AEBP1: variants seen among roughly 807,000 people sequenced by gnomAD.
AEBP1 encodes adipocyte enhancer-binding protein 1.
Under a neutral mutation model 116.5 loss-of-function variants are expected in AEBP1, and 69 were observed. The ratio of observed to expected loss-of-function variants is 0.59; its 90% CI spans 0.49 to 0.72. The LOEUF (loss-of-function observed/expected upper bound fraction) is 0.72, where lower values mean the gene tolerates loss of function less well. Among genes scored for constraint, AEBP1 ranks in the 30% least tolerant of loss-of-function variants. The probability of loss-of-function intolerance (pLI) is 0.00; values close to 1 mark genes in which losing one functional copy is unlikely to be tolerated. For synonymous variants in AEBP1, 627 were observed against 627.3 expected, an observed-to-expected ratio of 1.00 and a Z score of 0.01; for missense variants, 1,444 against 1,557.5, an observed-to-expected ratio of 0.93 and a Z score of 1.23.
Position 44,111,745 on chromosome 7 carries a change from G to T in AEBP1, c.1841-109G>T. ...TCTGGCTTGTCTTACAGGGCCCTAGGAGCCCCAGCTGTCCCCCAGACCCTC... is the reference window on the plus strand; with the variant it reads ...TCTGGCTTGTCTTACAGGGCCCTAGTAGCCCCAGCTGTCCCCCAGACCCTC... On this transcript the variant is annotated intron_variant, in intron 15 of 20. Transcript: ENST00000223357. This position sits in a 1 kb window ranked among gnomAD's most constrained non-coding sequence, Gnocchi z 4.7. The T allele has an allele frequency of 6.5e-7, 1 of 1,540,956 alleles. No homozygotes were observed. Among genetic ancestry groups the T allele is most frequent in the Non-Finnish European group, 8.8e-7 (1 of 1,140,122 alleles).
rs1483338543 is a variant in AEBP1 at position 44,111,046 on chromosome 7, G to C, written c.1619G>C (p.Cys540Ser). The change falls in exon 13 of 21, where the codon TGC (cysteine) becomes TCC (serine). Residue 540 changes from cysteine (C) to serine (S), a missense_variant. Transcript: ENST00000223357. The surrounding 1 kb of genome is among the most constrained non-coding windows in gnomAD (Gnocchi z 4.7). The part of the protein sequence containing the change: ...SLCMRLEVLG[C>S]SVAPVYSYYA... The stretch of plus-strand genomic sequence containing the variant: ...TGCATGCGCCTGGAGGTGCTGGGGT[G>C]CTCTGTGGCCCGTGAGTGTGGAGGG... 9.9e-6 allele frequency: 16 copies of C among 1,610,696 alleles called. No individual in the cohort carries two copies. The highest frequency in any genetic ancestry group is 1.3e-5 in the Non-Finnish European group (15 of 1,177,892).
chr7:44,113,869 C>A lies in AEBP1; in HGVS notation c.3085C>A (p.Leu1029Ile). 6.2e-7 allele frequency: 1 copy of A among 1,613,734 alleles called. No individual in the cohort carries two copies. The highest frequency in any genetic ancestry group is 8.5e-7 in the Non-Finnish European group (1 of 1,180,006). Residue 1029 changes from leucine to isoleucine, a missense_variant, in exon 21 of 21, where the codon CTT becomes ATT. Transcript: ENST00000223357. The surrounding 1 kb of genome is among the most constrained non-coding windows in gnomAD (Gnocchi z 5.3). ...GCGACGCCTACAACACCGCCTGCGG[C>A]TTCGGGCACAGATGCGGCTGCGGCG... ...QQRRLQHRLR[L>I]RAQMRLRRLN...
rs752455078 is a variant in AEBP1, at chr7:44,107,441, G to T, written c.598G>T (p.Ala200Ser). 8.1e-6 allele frequency: 13 copies of T among 1,613,154 alleles called. No homozygotes were observed. The highest frequency in any genetic ancestry group is 1.0e-5 in the Non-Finnish European group (12 of 1,179,984). The change falls in exon 3 of 21, where the codon GCG becomes TCG. Residue 200 changes from alanine (A) to serine (S), a missense_variant and splice_region_variant. Ala to Ser is a moderately conservative substitution (Grantham distance 99, BLOSUM62 1). Coordinates refer to ENST00000223357, the MANE Select transcript of AEBP1 (RefSeq NM_001129.5). This position sits in a 1 kb window ranked among gnomAD's most constrained non-coding sequence, Gnocchi z 4.3. ...GPEELPQEGG[A>S]PLSNNWQNPG... ...CTTCTGGAACTCCTGTGTTGCAGGG[G>T]CGCCCCTCTCAAATAACTGGCAGAA...
rs1054302 is a variant in AEBP1 at position 44,114,466 on chromosome 7, A to G, written c.*205A>G. 3 of 651,030 alleles carry G rather than the reference A, an allele frequency of 4.6e-6. No individual in the cohort carries two copies. Among genetic ancestry groups the G allele is most frequent in the Non-Finnish European group, 7.8e-6 (3 of 384,920 alleles). 40.3% of individuals were successfully genotyped at this position (651,030 alleles called of 1,614,324 possible). A position where few individuals can be genotyped will look rare whatever the true frequency, so the allele number is the denominator to read the frequency against. ...GAGGCTGTGTAGAGGCTCCTGCTCC[A>G]CCTGCCAGTCTCGTAAGAGATGGGG... On this transcript the variant is annotated 3_prime_UTR_variant, in exon 21 of 21. Coordinates refer to ENST00000223357, the MANE Select transcript of AEBP1 (RefSeq NM_001129.5).
chr7:44,111,973 C>CTA lies in AEBP1; in HGVS notation c.1960_1961insTA (p.Arg654LeufsTer16), dbSNP rs1197862007. 45 of 1,613,692 alleles carry CTA rather than the reference C, an allele frequency of 2.8e-5. 1 individual carries two copies. Among genetic ancestry groups the CTA allele is most frequent in the Non-Finnish European group, 3.6e-5 (43 of 1,180,026 alleles). Reference sequence around the variant, plus strand: ...GTACCGCGATGGGAACCCACGTGTGCGCAGCCTGGTGCAGGACACACGCAT... The same window carrying CTA: ...GTACCGCGATGGGAACCCACGTGTGCTAGCAGCCTGGTGCAGGACACACGCAT... On this transcript the variant is annotated frameshift_variant, in exon 16 of 21. Coordinates refer to ENST00000223357, the MANE Select transcript of AEBP1 (RefSeq NM_001129.5). LOFTEE classifies it high-confidence loss of function. This position sits in a 1 kb window ranked among gnomAD's most constrained non-coding sequence, Gnocchi z 4.7.
At position 44,111,936 on chromosome 7, in the gene AEBP1, C is replaced by A; in HGVS notation, c.1923C>A (p.Tyr641Ter). ...AGCTGTTGCTGCTGCTCATGCAGTA[C>A]CTGTGCCGAGAGTACCGCGATGGGA... ...GRELLLLLMQ[Y>*]LCREYRDGNP... Residue 641 changes from tyrosine to a stop codon, truncating the protein, a stop_gained, in exon 16 of 21, where the codon TAC (tyrosine) becomes TAA (stop). Coordinates refer to ENST00000223357, the MANE Select transcript of AEBP1 (RefSeq NM_001129.5). LOFTEE classifies it high-confidence loss of function. This position sits in a 1 kb window ranked among gnomAD's most constrained non-coding sequence, Gnocchi z 4.7. 1 of 1,613,868 alleles carries A rather than the reference C, an allele frequency of 6.2e-7. No individual in the cohort carries two copies. Among genetic ancestry groups the A allele is most frequent in the Non-Finnish European group, 8.5e-7 (1 of 1,180,020 alleles).
intron 11 of AEBP1, 115 bp from the exon 12 acceptor site, chr7:44,110,610 G>T: frequency 2.8e-6 from 3 of 1,082,036 alleles, no homozygotes; most frequent in East Asian, 2.4e-5. Flanking sequence ...CACCTGGGCC[G>T]TGCAGCACCA....
chr7:44,112,399 G>A lies in AEBP1; in HGVS notation c.2217+78G>A, dbSNP rs1562688434. The A allele has an allele frequency of 2.7e-6, 4 of 1,479,262 alleles. No individual in the cohort carries two copies. The highest frequency in any genetic ancestry group is 1.4e-5 in the African/African-American group (1 of 70,686). The allele number at this position is 1,479,262 out of a possible 1,614,324, so 91.6% of individuals were successfully genotyped here. On this transcript the variant is annotated intron_variant, in intron 17 of 20. Coordinates refer to ENST00000223357, the MANE Select transcript of AEBP1 (RefSeq NM_001129.5). This position sits in a 1 kb window ranked among gnomAD's most constrained non-coding sequence, Gnocchi z 6.6. ...TCCTGGTGTTCTGGGCTTGGGGGTG[G>A]GGCTGACGGTGCCTGAACTCCAGAC...
Position 44,104,410 on chromosome 7 carries a change from C to A in AEBP1, c.-256C>A. On this transcript the variant is annotated 5_prime_UTR_variant, in exon 1 of 21. Coordinates refer to ENST00000223357, the MANE Select transcript of AEBP1 (RefSeq NM_001129.5). Reference sequence around the variant, plus strand: ...ACGCGGGGCCGGAGCGCCTATTAGCCGCCAGGACCTCGGAGCGCCCCGACC... The same window carrying A: ...ACGCGGGGCCGGAGCGCCTATTAGCAGCCAGGACCTCGGAGCGCCCCGACC... 1 of 343,872 alleles carries A rather than the reference C, an allele frequency of 2.9e-6. No homozygotes were observed. Among genetic ancestry groups the A allele is most frequent in the Non-Finnish European group, 5.2e-6 (1 of 191,728 alleles). The allele number at this position is 343,872 out of a possible 1,614,324, so 21.3% of individuals were successfully genotyped here. A position where few individuals can be genotyped will look rare whatever the true frequency, so the allele number is the denominator to read the frequency against.
chr7:44,105,399 A>T (rs2096221943), intron 1 of AEBP1, among the ~76,000 whole-genome samples: 1 of 152,158 alleles, frequency 6.6e-6, no homozygotes, highest in Non-Finnish European at 1.5e-5. Flanking sequence ...GGTGGTGAGC[A>T]ATGGGTGGTC....
rs2096221441 is a variant in AEBP1 at position 44,104,926 on chromosome 7, C to T, written c.253+8C>T. On this transcript the variant is annotated splice_region_variant and intron_variant, in intron 1 of 20. Transcript: ENST00000223357. ...CAGGGACGGCCGCAGAAGGTAAGAG[C>T]CCAGGGCAGGGCGGGGGTGTGGGGG... is the stretch of plus-strand genomic sequence containing the variant. The T allele has an allele frequency of 3.3e-6, 5 of 1,534,730 alleles. No individual in the cohort carries two copies. The East Asian group carries it at 1.2e-4, about 38-fold the overall frequency.
rs1029989851 is a variant in AEBP1 at position 44,112,372 on chromosome 7, G to A, written c.2217+51G>A. On this transcript the variant is annotated intron_variant, in intron 17 of 20. Transcript: ENST00000223357. This position sits in a 1 kb window ranked among gnomAD's most constrained non-coding sequence, Gnocchi z 6.6. ...GCAGGAGGGAGCAGCTGGACCCTGG[G>A]GTCCTGGTGTTCTGGGCTTGGGGGT... 4 of 1,509,770 alleles carry A rather than the reference G, an allele frequency of 2.6e-6. No homozygotes were observed. Among genetic ancestry groups the A allele is most frequent in the Non-Finnish European group, 3.5e-6 (4 of 1,129,250 alleles). The allele number at this position is 1,509,770 out of a possible 1,614,324, so 93.5% of individuals were successfully genotyped here. A position where few individuals can be genotyped will look rare whatever the true frequency, so the allele number is the denominator to read the frequency against.
chr7:44,107,470 A>G lies in AEBP1; in HGVS notation c.627A>G (p.Pro209=). ...GAPLSNNWQN[P]GEETHVEARE... Reference sequence around the variant, plus strand: ...CCCTCTCAAATAACTGGCAGAATCCAGGAGAGGAGACCCATGTGGAGGCAC... The same window carrying G: ...CCCTCTCAAATAACTGGCAGAATCCGGGAGAGGAGACCCATGTGGAGGCAC... Residue 209 remains proline, a synonymous_variant, in exon 3 of 21, where the codon CCA becomes CCG. Coordinates refer to ENST00000223357, the MANE Select transcript of AEBP1 (RefSeq NM_001129.5). The surrounding 1 kb of genome is among the most constrained non-coding windows in gnomAD (Gnocchi z 4.3). 2 of 1,613,400 alleles carry G rather than the reference A, an allele frequency of 1.2e-6. No individual in the cohort carries two copies. The highest frequency in any genetic ancestry group is 1.7e-6 in the Non-Finnish European group (2 of 1,179,980).
rs537668310 is a variant in AEBP1 at position 44,107,037 on chromosome 7, A to T, written c.595+150A>T. The T allele has an allele frequency of 8.5e-5, 59 of 693,382 alleles. No homozygotes were observed. The highest frequency in any genetic ancestry group is 1.2e-4 in the Admixed American group (4 of 34,042). 43.0% of individuals were successfully genotyped at this position (693,382 alleles called of 1,614,324 possible). A position where few individuals can be genotyped will look rare whatever the true frequency, so the allele number is the denominator to read the frequency against. ...CCTCACTTTTGCTATAAATTTCACAATTTGATTGGTGGGCTCCCTCAGTGC... is the reference window on the plus strand; with the variant it reads ...CCTCACTTTTGCTATAAATTTCACATTTTGATTGGTGGGCTCCCTCAGTGC... On this transcript the variant is annotated intron_variant, in intron 2 of 20. Transcript: ENST00000223357. The surrounding 1 kb of genome is among the most constrained non-coding windows in gnomAD (Gnocchi z 4.3).
At position 44,112,033 on chromosome 7, in the gene AEBP1, G is replaced by A. The variant is rs184719396; in HGVS notation, c.2020G>A (p.Glu674Lys). 18 of 1,613,284 alleles carry A rather than the reference G, an allele frequency of 1.1e-5. No individual in the cohort carries two copies. The South Asian group carries it at 1.4e-4, about 13-fold the overall frequency. Residue 674 changes from glutamate to lysine, a missense_variant, in exon 16 of 21, where the codon GAG (glutamate) becomes AAG (lysine). Coordinates refer to ENST00000223357, the MANE Select transcript of AEBP1 (RefSeq NM_001129.5). The surrounding 1 kb of genome is among the most constrained non-coding windows in gnomAD (Gnocchi z 6.6). ...GCCCTCACTGAACCCTGATGGCTAC[G>A]AGGTGGCAGCGCAGATGGTGGGTTG... ...LVPSLNPDGY[E>K]VAAQMGSEFG...
At position 44,113,834 on chromosome 7, in the gene AEBP1, G is replaced by A. The variant is rs542674696; in HGVS notation, c.3050G>A (p.Arg1017His). The A allele has an allele frequency of 1.4e-5, 23 of 1,613,826 alleles. No individual in the cohort carries two copies. The East Asian group carries it at 4.5e-4, about 31-fold the overall frequency. ...PSRPMTPQQR[R>H]LQQRRLQHRL... ...CGCCCTATGACCCCCCAACAGCGACGCCTGCAGCAGCGACGCCTACAACAC... is the reference window on the plus strand; with the variant it reads ...CGCCCTATGACCCCCCAACAGCGACACCTGCAGCAGCGACGCCTACAACAC... The change falls in exon 21 of 21, where the codon CGC becomes CAC. Residue 1017 changes from arginine to histidine, a missense_variant. Physicochemically the swap from Arg to His is conservative, Grantham distance 29. Coordinates refer to ENST00000223357, the MANE Select transcript of AEBP1 (RefSeq NM_001129.5). The surrounding 1 kb of genome is among the most constrained non-coding windows in gnomAD (Gnocchi z 5.3).
At position 44,111,882 on chromosome 7, in the gene AEBP1, G is replaced by C. The variant is rs2096229815; in HGVS notation, c.1869G>C (p.Gly623=). The change falls in exon 16 of 21, where the codon GGG becomes GGC. Residue 623 remains glycine (G), a synonymous_variant. Coordinates refer to ENST00000223357, the MANE Select transcript of AEBP1 (RefSeq NM_001129.5). The surrounding 1 kb of genome is among the most constrained non-coding windows in gnomAD (Gnocchi z 4.7). ...AGCCCGAGTTCCGCTACACTGCTGG[G>C]ATCCATGGCAACGAGGTGCTGGGCC... ...LGEPEFRYTA[G]IHGNEVLGRE... The C allele has an allele frequency of 6.2e-7, 1 of 1,613,608 alleles. No homozygotes were observed. The highest frequency in any genetic ancestry group is 8.5e-7 in the Non-Finnish European group (1 of 1,179,982).
At position 44,114,451 on chromosome 7, in the gene AEBP1, A is replaced by G. The variant is rs2096234663; in HGVS notation, c.*190A>G. ...GGGACCTAAGAGCCAGAGGCTGTGT[A>G]GAGGCTCCTGCTCCACCTGCCAGTC... is the stretch of plus-strand genomic sequence containing the variant. On this transcript the variant is annotated 3_prime_UTR_variant, in exon 21 of 21. Transcript: ENST00000223357. 1.5e-6 allele frequency: 1 copy of G among 681,174 alleles called. No individual in the cohort carries two copies. Among genetic ancestry groups the G allele is most frequent in the East Asian group, 2.7e-5 (1 of 36,778 alleles). 42.2% of individuals were successfully genotyped at this position (681,174 alleles called of 1,614,324 possible).
chr7:44,109,076 T>C, intron 7 of AEBP1, 31 bp from the exon 8 acceptor site: 1 of 1,613,058 alleles, frequency 6.2e-7, no homozygotes, highest in Non-Finnish European at 8.5e-7. Flanking sequence ...AGAGCCAGGC[T>C]GACTGGCCCC....
Sources: allele counts gnomAD v4.1 joint callset (sites outside exome capture counted in the v4.1 genomes callset), GRCh38; gene constraint gnomAD v4.1.1; non-coding constraint Gnocchi (gnomAD v3.1); transcripts MANE v1.5; gene names NCBI Gene and HGNC (gene_info 2026-07-23, HGNC 2026-07-21).